Variants in SPATA6L observed in about 807,000 individuals in gnomAD.
The protein encoded by SPATA6L is spermatogenesis associated 6-like protein.
SPATA6L carries 68 observed loss-of-function variants against 49.2 expected under a neutral mutation model. The observed-to-expected ratio is 1.38, with a 90% confidence interval of 1.14 to 1.69. The LOEUF (loss-of-function observed/expected upper bound fraction) is 1.69, where lower values mean the gene tolerates loss of function less well. SPATA6L is among the 40% of genes most tolerant of loss of function. SPATA6L has a pLI of 0.00. For synonymous variants in SPATA6L, 198 were observed against 165.7 expected, an observed-to-expected ratio of 1.19 and a Z score of -1.50; for missense variants, 668 against 464.3, an observed-to-expected ratio of 1.44 and a Z score of -4.03.
At chr9:4,614,672 G>A (rs760000129) in intron 9 of SPATA6L, among the ~76,000 whole-genome samples, 1 of 152,088 alleles carries the variant, frequency 6.6e-6, no homozygotes, top group African/African-American at 2.4e-5. Context: ...GGGACTCAGG[G>A]GTTTCCCAGG....
chr9:4,620,187 C>A (rs1012503958), intron 7 of SPATA6L, among the ~76,000 whole-genome samples: 1 of 152,190 alleles, frequency 6.6e-6, no homozygotes, highest in Admixed American at 6.5e-5. Context: ...AGCCACAAAC[C>A]TGCCCTGTGG....
intron 4 of SPATA6L, among the ~76,000 whole-genome samples, chr9:4,634,850 T>C (rs1832450996): frequency 6.6e-6 from 1 of 152,206 alleles, no homozygotes; most frequent in Non-Finnish European, 1.5e-5. Flanking sequence ...GTCAGTTTCC[T>C]CTTTGTTAAA....
At chr9:4,626,499 C>T (rs1429158335) in intron 5 of SPATA6L, 1 of 1,304,344 alleles carries the variant, frequency 7.7e-7, no homozygotes, top group East Asian at 5.5e-5. Context: ...TGTTCAGTTT[C>T]TTCTTTAAGC....
chr9:4,593,951 C>T (rs192487321), downstream of SPATA6L, among the ~76,000 whole-genome samples: 43 of 152,288 alleles, frequency 2.8e-4, no homozygotes, highest in East Asian at 7.5e-3. Context: ...CCTCTCTCCA[C>T]CAGATACTCC....
chr9:4,611,215 T>G (rs1218412734), intron 9 of SPATA6L, among the ~76,000 whole-genome samples: 1 of 145,356 alleles, frequency 6.9e-6, no homozygotes, highest in Non-Finnish European at 1.5e-5. Context: ...GTAAACTAGT[T>G]CAACCATTGT....
intron 2 of SPATA6L, 140 bp downstream of exon 2, chr9:4,661,759 G>GTTTTGCTTCAAGGCCGACTGCGA: frequency 8.5e-7 from 1 of 1,172,476 alleles, no homozygotes; most frequent in Non-Finnish European, 1.2e-6. Context: ...TCCGACTGCG[G>GTTTTGCTTCAAGGCCGACTGCGA]TTTTGCATTG....
chr9:4,606,951 G>T (rs886760819), intron 9 of SPATA6L, among the ~76,000 whole-genome samples: 7 of 145,678 alleles, frequency 4.8e-5, no homozygotes, highest in Non-Finnish European at 8.9e-5. Context: ...GTGCTTAAAG[G>T]AGCTGATGGA....
Position 4,662,032 on chromosome 9 carries a change from G to C in SPATA6L, c.44C>G (p.Ser15Cys), listed in dbSNP as rs1313507093. The C allele has an allele frequency of 5.0e-6, 8 of 1,613,114 alleles. No homozygotes were observed. The highest frequency in any genetic ancestry group is 5.9e-6 in the Non-Finnish European group (7 of 1,179,680). The stretch of plus-strand genomic sequence containing the variant: ...GCCAGGCAGGAACACTCCTGGGCAA[G>C]AAATCTTAAAAAGAAAGAAAACAAC... ...VVVELQIRAI[S>C]CPGVFLPGKQ... Residue 15 changes from serine to cysteine, a missense_variant, in exon 2 of 12, where the codon TCT becomes TGT. Coordinates refer to ENST00000682582, the MANE Select transcript of SPATA6L (RefSeq NM_001353486.2). This position sits in a 1 kb window ranked among gnomAD's most constrained non-coding sequence, Gnocchi z 4.9.
intron 3 of SPATA6L, among the ~76,000 whole-genome samples, chr9:4,642,438 G>A (rs555120500): frequency 6.6e-6 from 1 of 152,098 alleles, no homozygotes; most frequent in Non-Finnish European, 1.5e-5. Context: ...ACCTATGAAG[G>A]TAATGACATC....
chr9:4,607,629 G>C (rs906519289), intron 9 of SPATA6L, among the ~76,000 whole-genome samples: 2 of 151,950 alleles, frequency 1.3e-5, no homozygotes, highest in African/African-American at 4.8e-5. Context: ...TGCCCTAAAA[G>C]AGCTCCTGAA....
Position 4,601,552 on chromosome 9 carries a change from C to A in SPATA6L, c.*2-743G>T, listed in dbSNP as rs1040601171. 2.6e-5 allele frequency among the ~76,000 whole-genome samples: 4 copies of A among 152,200 alleles called. No individual in the cohort carries two copies. In the East Asian group the frequency reaches 5.8e-4, roughly 22 times the overall value. On this transcript the variant is annotated intron_variant, in intron 11 of 11. Transcript: ENST00000682582. The stretch of plus-strand genomic sequence containing the variant: ...CATTCTCTCCCTCTACGTGGTCAGA[C>A]AATGGGACTCATTGTTTTTGGCTCA...
chr9:4,625,138 G>C, intron 6 of SPATA6L, 189 bp downstream of exon 6: 1 of 1,065,538 alleles, frequency 9.4e-7, no homozygotes, highest in Non-Finnish European at 1.3e-6. Flanking sequence ...CCTGTATAAG[G>C]TACCTTTCTA....
chr9:4,594,467 C>T (rs1003833635), downstream of SPATA6L, among the ~76,000 whole-genome samples: 3 of 152,224 alleles, frequency 2.0e-5, no homozygotes, highest in African/African-American at 7.2e-5. Flanking sequence ...CTGCCTCAGC[C>T]TCCCAAAGTG....
chr9:4,623,827 T>A (rs1359804847), intron 6 of SPATA6L, among the ~76,000 whole-genome samples: 2 of 152,254 alleles, frequency 1.3e-5, no homozygotes, highest in African/African-American at 4.8e-5. Context: ...GTAAATCAGA[T>A]ATATTTTCAA....
At position 4,599,266 on chromosome 9, in the gene SPATA6L, CAGATTTT is replaced by C. The variant is rs1174965669; in HGVS notation, c.*1538_*1544del. Among the ~76,000 whole-genome samples, 13 of 152,168 alleles carry C rather than the reference CAGATTTT, an allele frequency of 8.5e-5. No homozygotes were observed. The highest frequency in any genetic ancestry group is 3.1e-4 in the African/African-American group (13 of 41,438). On this transcript the variant is annotated 3_prime_UTR_variant, in exon 12 of 12. Coordinates refer to ENST00000682582, the MANE Select transcript of SPATA6L (RefSeq NM_001353486.2). ...TTGGATTTTGGAGCATTTCAGATTTCAGATTTTTAGATTGGGAGGTTCAACTTGGATA... is the reference window on the plus strand; with the variant it reads ...TTGGATTTTGGAGCATTTCAGATTTCTAGATTGGGAGGTTCAACTTGGATA...
At chr9:4,589,647 T>A (rs1055098229) in intron 13 of SPATA6L, among the ~76,000 whole-genome samples, 4 of 152,218 alleles carry the variant, frequency 2.6e-5, no homozygotes, top group African/African-American at 9.7e-5. Context: ...TTGAGATGCT[T>A]GGGCTGTGTG....
At chr9:4,635,432 G>C (rs774517939) in intron 3 of SPATA6L, 33 bp from the exon 4 acceptor site, 1 of 1,563,552 alleles carries the variant, frequency 6.4e-7, no homozygotes, top group Non-Finnish European at 8.6e-7. Flanking sequence ...ATAAATATCT[G>C]TATTTACACC....
intron 3 of SPATA6L, among the ~76,000 whole-genome samples, chr9:4,637,283 C>T (rs1318081128): frequency 1.3e-5 from 2 of 152,128 alleles, no homozygotes; most frequent in African/African-American, 4.8e-5. Context: ...GCATGGCTGG[C>T]TCCTTCCTAC....
In SPATA6L at chr9:4,666,210, A is replaced by C. The variant is rs752442592; in HGVS notation, c.39+2T>G. On this transcript the variant is annotated splice_donor_variant, in intron 1 of 11. Coordinates refer to ENST00000682582, the MANE Select transcript of SPATA6L (RefSeq NM_001353486.2). LOFTEE classifies it high-confidence loss of function. ...AGGAGGGGGAGTTCATCGATCTCTT[A>C]CCGCCCGGATCTGCAGCTCCACCAC... The C allele has an allele frequency of 3.1e-6, 5 of 1,614,074 alleles. No homozygotes were observed. In the South Asian group the frequency reaches 4.4e-5, roughly 14 times the overall value.
Sources: allele counts gnomAD v4.1 joint callset (sites outside exome capture counted in the v4.1 genomes callset), GRCh38; gene constraint gnomAD v4.1.1; non-coding constraint Gnocchi (gnomAD v3.1); transcripts MANE v1.5; gene names NCBI Gene and HGNC (gene_info 2026-07-23, HGNC 2026-07-21).